The following FSTL5 variants were observed in gnomAD, a reference collection of about 807,000 sequenced individuals.
FSTL5 encodes follistatin like 5.
Under a neutral mutation model 89.1 loss-of-function variants are expected in FSTL5, and 62 were observed. The observed-to-expected ratio is 0.70, with a 90% CI of 0.57 to 0.86. The LOEUF is 0.86. FSTL5 is among the 40% of genes least tolerant of loss of function. The pLI, the probability that FSTL5 is intolerant of heterozygous loss-of-function variation, is 0.00. For missense variants in FSTL5, 1,057 were observed against 1,001.6 expected (o/e 1.06, Z -0.75); for synonymous variants, 383 against 346.2 (o/e 1.11, Z -1.18).
intron 2 of FSTL5, among the ~76,000 whole-genome samples, chr4:162,041,300 A>T (rs1737946323): frequency 6.6e-6 from 1 of 152,074 alleles, no homozygotes; most frequent in South Asian, 2.1e-4. Context: ...TTATAGATTC[A>T]AAAGAGTGCA....
chr4:161,517,345 C>A (rs1730876708), intron 10 of FSTL5, among the ~76,000 whole-genome samples: 1 of 152,036 alleles, frequency 6.6e-6, no homozygotes, highest in Admixed American at 6.6e-5. Context: ...CATAATTGAA[C>A]AATAAAACCC....
At chr4:161,398,795 C>T (rs1375705113) in intron 15 of FSTL5, among the ~76,000 whole-genome samples, 1 of 151,892 alleles carries the variant, frequency 6.6e-6, no homozygotes, top group African/African-American at 2.4e-5. Flanking sequence ...ATATGTCTGC[C>T]CCTTGTGATA....
At chr4:161,979,528 GTCTC>G (rs141491973) in intron 3 of FSTL5, among the ~76,000 whole-genome samples, 263 of 150,282 alleles carry the variant, frequency 1.8e-3, no homozygotes, top group South Asian at 0.014. Context: ...TTTCCTTTCT[GTCTC>G]TCTCTCTCTC....
intron 2 of FSTL5, among the ~76,000 whole-genome samples, chr4:162,044,210 C>T (rs771416049): frequency 1.3e-5 from 2 of 152,118 alleles, no homozygotes; most frequent in Non-Finnish European, 2.9e-5. Context: ...AATTGAATGT[C>T]AAAATTATTC....
At chr4:161,426,549 C>G (rs1732173467) in intron 15 of FSTL5, among the ~76,000 whole-genome samples, 1 of 152,250 alleles carries the variant, frequency 6.6e-6, no homozygotes, top group East Asian at 1.9e-4. Context: ...CTGCCACTTG[C>G]CCCTCCTCCT....
At chr4:161,620,663 A>G (rs546612168) in intron 7 of FSTL5, among the ~76,000 whole-genome samples, 67 of 152,164 alleles carry the variant, frequency 4.4e-4, no homozygotes, top group African/African-American at 1.6e-3. Flanking sequence ...TCTCAAAAAC[A>G]AAAACAAAAA....
chr4:161,845,331 C>A (rs1228391365), intron 4 of FSTL5, among the ~76,000 whole-genome samples: 1 of 152,140 alleles, frequency 6.6e-6, no homozygotes, highest in Non-Finnish European at 1.5e-5. Flanking sequence ...TCTCCTGTTG[C>A]AGAAATATAA....
At chr4:161,494,305 G>C (rs1729990615) in intron 12 of FSTL5, among the ~76,000 whole-genome samples, 1 of 152,132 alleles carries the variant, frequency 6.6e-6, no homozygotes, top group Non-Finnish European at 1.5e-5. Context: ...CAGTGGTGTT[G>C]TATTCAAAAG....
intron 15 of FSTL5, among the ~76,000 whole-genome samples, chr4:161,441,431 G>A (rs73858489): frequency 0.017 from 2,512 of 152,052 alleles, 69 homozygotes; most frequent in African/African-American, 0.056. Context: ...AATTTATGCC[G>A]AAATATCAGC....
intron 10 of FSTL5, among the ~76,000 whole-genome samples, chr4:161,534,303 G>C (rs541879789): frequency 6.6e-6 from 1 of 152,166 alleles, no homozygotes; most frequent in Admixed American, 6.5e-5. Flanking sequence ...TCTCTTTGCT[G>C]GGAATATGAT....
intron 4 of FSTL5, among the ~76,000 whole-genome samples, chr4:161,893,166 T>C (rs1177393958): frequency 6.6e-6 from 1 of 152,140 alleles, no homozygotes; most frequent in Non-Finnish European, 1.5e-5. Context: ...CAGACAGAGC[T>C]TGGACTCTAA....
chr4:161,723,102 T>A (rs1739270445), intron 6 of FSTL5, among the ~76,000 whole-genome samples: 1 of 152,152 alleles, frequency 6.6e-6, no homozygotes, highest in East Asian at 1.9e-4. Context: ...AATGTGCACA[T>A]TTAAGGAATT....
chr4:161,968,195 A>C (rs1380968141), intron 3 of FSTL5, among the ~76,000 whole-genome samples: 5 of 152,088 alleles, frequency 3.3e-5, no homozygotes, highest in African/African-American at 1.2e-4. Flanking sequence ...TGAATGTGAA[A>C]TACAAGGAAA....
At chr4:161,559,146 A>T (rs916250242) in intron 8 of FSTL5, among the ~76,000 whole-genome samples, 1 of 151,984 alleles carries the variant, frequency 6.6e-6, no homozygotes, top group East Asian at 2.0e-4. Context: ...AATATCCTTC[A>T]TTACCTGGTC....
chr4:162,112,775 TCA>T (rs71598742), intron 1 of FSTL5, among the ~76,000 whole-genome samples: 8,393 of 139,158 alleles, frequency 0.06, 394 homozygotes, highest in African/African-American at 0.13. Context: ...ACCGACACAA[TCA>T]CACACACACA....
intron 4 of FSTL5, among the ~76,000 whole-genome samples, chr4:161,854,392 G>A (rs1731655573): frequency 6.6e-6 from 1 of 152,158 alleles, no homozygotes; most frequent in East Asian, 1.9e-4. Flanking sequence ...TTATCTCAAT[G>A]AGTATTGTGA....
chr4:161,919,361 T>C (rs1038349431), intron 4 of FSTL5, among the ~76,000 whole-genome samples: 3 of 152,164 alleles, frequency 2.0e-5, no homozygotes, highest in African/African-American at 7.2e-5. Context: ...TAACAGAGCA[T>C]TGCATCTTGC....
At chr4:161,446,837 G>A (rs1732963834) in intron 15 of FSTL5, among the ~76,000 whole-genome samples, 2 of 151,898 alleles carry the variant, frequency 1.3e-5, no homozygotes, top group Non-Finnish European at 2.9e-5. Flanking sequence ...ATATTTGGGA[G>A]TGTTTTTACT....
intron 8 of FSTL5, among the ~76,000 whole-genome samples, chr4:161,571,492 T>G (rs1733008757): frequency 6.6e-6 from 1 of 151,910 alleles, no homozygotes; most frequent in South Asian, 2.1e-4. Context: ...AAGGCTAAAC[T>G]GTTATAAAGT....
Sources: allele counts gnomAD v4.1 joint callset (sites outside exome capture counted in the v4.1 genomes callset), GRCh38; gene constraint gnomAD v4.1.1; transcripts MANE v1.5; gene names NCBI Gene and HGNC (gene_info 2026-07-23, HGNC 2026-07-21).